The following RPRD2 variants were observed in gnomAD, a reference collection of about 807,000 sequenced individuals.
RPRD2 encodes the protein regulation of nuclear pre-mRNA domain-containing protein 2.
Under a neutral mutation model 104.4 loss-of-function variants are expected in RPRD2, and 12 were observed. That is an observed-to-expected ratio of 0.11 (90% CI 0.07 to 0.19). The LOEUF is 0.19. RPRD2 is among the 10% of genes least tolerant of loss of function. The probability of loss-of-function intolerance (pLI) is 1.00; values close to 1 mark genes in which losing one functional copy is unlikely to be tolerated. For synonymous variants in RPRD2, 714 were observed against 684.9 expected (o/e 1.04, Z -0.66); for missense variants, 1,543 against 1,790.1 (o/e 0.86, Z 2.49).
At chr1:150,404,836 G>A (rs1409747108) in intron 1 of RPRD2, among the ~76,000 whole-genome samples, 3 of 152,106 alleles carry the variant, frequency 2.0e-5, no homozygotes, top group African/African-American at 7.2e-5. Flanking sequence ...ATTCAGTCTG[G>A]TTTTAGACCT....
At chr1:150,437,745 A>G (rs1314898898) in intron 2 of RPRD2, among the ~76,000 whole-genome samples, 2 of 151,698 alleles carry the variant, frequency 1.3e-5, no homozygotes, top group African/African-American at 4.8e-5. Flanking sequence ...ACATCTGGCA[A>G]GTTTTTGTAT....
Position 150,471,573 on chromosome 1 carries a change from T to C in RPRD2, c.2625T>C (p.Ser875=). The change falls in exon 11 of 11, where the codon AGT becomes AGC. Residue 875 remains serine (S), a synonymous_variant. Transcript: ENST00000369068. The surrounding 1 kb of genome is among the most constrained non-coding windows in gnomAD (Gnocchi z 5.3). ...CCGAGTACCAGCCAATTCTGTCCAG[T>C]TATAGCCACAGAGCCCAAGAATTTG... ...DTTEYQPILS[S]YSHRAQEFGV... 6.2e-7 allele frequency: 1 copy of C among 1,613,674 alleles called. No individual in the cohort carries two copies. Among genetic ancestry groups the C allele is most frequent in the South Asian group, 1.1e-5 (1 of 91,040 alleles).
chr1:150,396,456 T>C (rs1553884225), intron 1 of RPRD2, among the ~76,000 whole-genome samples: 2 of 152,192 alleles, frequency 1.3e-5, no homozygotes, highest in Non-Finnish European at 2.9e-5. Context: ...GGTTTTTCCA[T>C]TGTTATCTTC....
chr1:150,466,543 CAAA>C (rs56756923), intron 10 of RPRD2, among the ~76,000 whole-genome samples: 24 of 109,042 alleles, frequency 2.2e-4, no homozygotes, highest in African/African-American at 3.0e-4. Flanking sequence ...GACCCTGCCT[CAAA>C]AAAAAAAAAA....
chr1:150,415,409 G>A (rs1367824126), intron 1 of RPRD2, among the ~76,000 whole-genome samples: 1 of 152,044 alleles, frequency 6.6e-6, no homozygotes, highest in Non-Finnish European at 1.5e-5. Flanking sequence ...TAAGCCAGGT[G>A]CAGTAGTTCA....
chr1:150,422,213 G>A lies in RPRD2; in HGVS notation c.335+4488G>A, dbSNP rs1002381149. 4.0e-5 allele frequency among the ~76,000 whole-genome samples: 6 copies of A among 151,058 alleles called. No individual in the cohort carries two copies. In the South Asian group the frequency reaches 6.3e-4, roughly 16 times the overall value. ...CACAAAATTAGCCAGGTGTGGTGGC[G>A]GGCGCCTGTAGTTCCAGCTAGTCAG... On this transcript the variant is annotated intron_variant, in intron 2 of 10. Coordinates refer to ENST00000369068, the MANE Select transcript of RPRD2 (RefSeq NM_015203.5).
At chr1:150,443,798 G>C (rs1228862772) in intron 5 of RPRD2, among the ~76,000 whole-genome samples, 1 of 151,714 alleles carries the variant, frequency 6.6e-6, no homozygotes, top group Non-Finnish European at 1.5e-5. Context: ...GAGGTCAGGA[G>C]ATCGAGACCA....
chr1:150,448,196 C>T (rs1364729399), intron 7 of RPRD2, among the ~76,000 whole-genome samples: 1 of 152,044 alleles, frequency 6.6e-6, no homozygotes, highest in Non-Finnish European at 1.5e-5. Flanking sequence ...GAGATGGAGT[C>T]TCGCTTTGTC....
At chr1:150,460,403 TG>T (rs1667850017) in intron 9 of RPRD2, 86 bp downstream of exon 9, 11 of 1,238,256 alleles carry the variant, frequency 8.9e-6, no homozygotes, top group Non-Finnish European at 1.2e-5. Flanking sequence ...GGGTTGTTGT[TG>T]TTGTTGTTGT....
chr1:150,452,311 G>C (rs1367283587), intron 7 of RPRD2, among the ~76,000 whole-genome samples: 3 of 152,102 alleles, frequency 2.0e-5, no homozygotes. Flanking sequence ...GAAGAATTCT[G>C]CCCAGTGTCA....
chr1:150,408,474 G>A (rs1479358991), intron 1 of RPRD2, among the ~76,000 whole-genome samples: 2 of 152,068 alleles, frequency 1.3e-5, no homozygotes, highest in Admixed American at 6.5e-5. Context: ...TTTAAATAGT[G>A]TATTTACATA....
chr1:150,388,692 C>T (rs1277802072), intron 1 of RPRD2, among the ~76,000 whole-genome samples: 8 of 150,876 alleles, frequency 5.3e-5, no homozygotes, highest in Non-Finnish European at 1.2e-4. Flanking sequence ...TTGCAACCTC[C>T]GCCTCCTGGG....
At chr1:150,431,473 A>ATTTTTTTTGTTTTTTTTTTTTTT (rs1665570694) in intron 2 of RPRD2, among the ~76,000 whole-genome samples, 1 of 78,850 alleles carries the variant, frequency 1.3e-5, no homozygotes, top group African/African-American at 4.5e-5. Context: ...AAAAGGAAGG[A>ATTTTTTTTGTTTTTTTTTTTTTT]TTTTTTTTTT....
chr1:150,452,828 G>A (rs587761248), intron 7 of RPRD2, among the ~76,000 whole-genome samples: 1 of 151,620 alleles, frequency 6.6e-6, no homozygotes, highest in African/African-American at 2.4e-5. Flanking sequence ...TCGCCACCAC[G>A]CCTGCCTAAT....
At chr1:150,444,142 T>C in intron 5 of RPRD2, 109 bp from the exon 6 acceptor site, 1 of 1,114,016 alleles carries the variant, frequency 9.0e-7, no homozygotes, top group Non-Finnish European at 1.3e-6. Flanking sequence ...TGTTAAGCTT[T>C]AGGGTGTTTG....
intron 1 of RPRD2, among the ~76,000 whole-genome samples, chr1:150,403,159 T>C (rs1398332403): frequency 2.6e-5 from 4 of 152,230 alleles, no homozygotes; most frequent in Non-Finnish European, 4.4e-5. Context: ...CTTCACCTTC[T>C]TTCTCTACAT....
intron 7 of RPRD2, among the ~76,000 whole-genome samples, chr1:150,447,478 G>A (rs991816249): frequency 1.3e-5 from 2 of 151,368 alleles, no homozygotes; most frequent in African/African-American, 2.4e-5. Flanking sequence ...GGGATTACAG[G>A]CATGTGCCAC....
chr1:150,399,031 C>G (rs1392037102), intron 1 of RPRD2, among the ~76,000 whole-genome samples: 1 of 151,984 alleles, frequency 6.6e-6, no homozygotes, highest in Non-Finnish European at 1.5e-5. Context: ...GAGAAAGGGT[C>G]CCACTTGGTT....
Position 150,417,334 on chromosome 1 carries a change from GT to G in RPRD2, c.206-257del, listed in dbSNP as rs782051052. On this transcript the variant is annotated intron_variant, in intron 1 of 10. Coordinates refer to ENST00000369068, the MANE Select transcript of RPRD2 (RefSeq NM_015203.5). ...AGAAACTTAACGTGAAGTAGTCAAG[GT>G]TTTTAGTATGTTTGGTAAACTGATC... 2.0e-5 allele frequency among the ~76,000 whole-genome samples: 3 copies of G among 152,054 alleles called. No homozygotes were observed. In the South Asian group the frequency reaches 6.2e-4, roughly 32 times the overall value.
Sources: allele counts gnomAD v4.1 joint callset (sites outside exome capture counted in the v4.1 genomes callset), GRCh38; gene constraint gnomAD v4.1.1; non-coding constraint Gnocchi (gnomAD v3.1); transcripts MANE v1.5; gene names NCBI Gene and HGNC (gene_info 2026-07-23, HGNC 2026-07-21).